SASH1: variants seen among roughly 807,000 people sequenced by gnomAD.
SASH1 encodes the protein SAM and SH3 domain-containing protein 1.
A neutral mutation model predicts 125.2 loss-of-function variants in SASH1; 44 were observed. The ratio of observed to expected loss-of-function variants is 0.35; its 90% CI spans 0.28 to 0.45. The LOEUF (loss-of-function observed/expected upper bound fraction) is 0.45, where lower values mean the gene tolerates loss of function less well. Among genes scored for constraint, SASH1 ranks in the 20% least tolerant of loss-of-function variants. The probability of loss-of-function intolerance (pLI) is 1.00; values close to 1 mark genes in which losing one functional copy is unlikely to be tolerated. For missense variants in SASH1, 1,426 were observed against 1,614.5 expected, an observed-to-expected ratio of 0.88 and a Z score of 2.00; for synonymous variants, 639 against 649.1, an observed-to-expected ratio of 0.98 and a Z score of 0.24.
intron 1 of SASH1, among the ~76,000 whole-genome samples, chr6:148,311,441 C>T (rs1221154606): frequency 2.0e-5 from 3 of 152,044 alleles, no homozygotes; most frequent in Admixed American, 6.6e-5. Context: ...AATATACATG[C>T]GAACTTTCCC....
chr6:148,259,004 C>T, the SASH1 span, among the ~76,000 whole-genome samples: 1 of 152,194 alleles, frequency 6.6e-6, no homozygotes, highest in Admixed American at 6.5e-5. Context: ...AATGTTTGCT[C>T]ATTTCATGGT....
chr6:148,416,003 A>G (rs930267729), intron 2 of SASH1, among the ~76,000 whole-genome samples: 1 of 152,120 alleles, frequency 6.6e-6, no homozygotes, highest in Non-Finnish European at 1.5e-5. Context: ...CCCACACTTC[A>G]AGCCTACATC....
intron 16 of SASH1, among the ~76,000 whole-genome samples, chr6:148,539,092 CTT>C (rs58542800): frequency 2.1e-3 from 297 of 142,914 alleles, no homozygotes; most frequent in African/African-American, 5.8e-3. Context: ...TCCGATGCTG[CTT>C]TTTTTTTTTT....
chr6:148,235,941 T>TG, the SASH1 span, among the ~76,000 whole-genome samples: 1 of 152,130 alleles, frequency 6.6e-6, no homozygotes, highest in Non-Finnish European at 1.5e-5. Context: ...TGTAGGCTAG[T>TG]TTTCTTCTTA....
At chr6:148,443,779 G>C (rs1237436683) in intron 4 of SASH1, among the ~76,000 whole-genome samples, 1 of 152,116 alleles carries the variant, frequency 6.6e-6, no homozygotes, top group African/African-American at 2.4e-5. Context: ...TAGGTTTGAT[G>C]CATTGTCGCT....
Position 148,524,121 on chromosome 6 carries a change from A to ATATATATATTTTTTT in SASH1, c.1210-1169_1210-1168insATATATATTTTTTTT, listed in dbSNP as rs1193506716. Among the ~76,000 whole-genome samples, 13 of 128,600 alleles carry ATATATATATTTTTTT rather than the reference A, an allele frequency of 1.0e-4. No individual in the cohort carries two copies. The South Asian group carries it at 1.1e-3, about 10-fold the overall frequency. 84.4% of individuals were successfully genotyped at this position (128,600 alleles called of 152,430 possible). ...ATTATATATATATATATATATATATATTTTTTTTAATGAATAAGCAATGCT... is the reference window on the plus strand; with the variant it reads ...ATTATATATATATATATATATATATATATATATATTTTTTTTTTTTTTTAATGAATAAGCAATGCT... On this transcript the variant is annotated intron_variant, in intron 10 of 19. Coordinates refer to ENST00000367467, the MANE Select transcript of SASH1 (RefSeq NM_015278.5).
chr6:148,258,339 A>T, the SASH1 span, among the ~76,000 whole-genome samples: 1 of 152,202 alleles, frequency 6.6e-6, no homozygotes, highest in Non-Finnish European at 1.5e-5. Flanking sequence ...TTCCATAATA[A>T]TAGCTTAACA....
At chr6:148,467,891 C>T (rs543346877) in intron 4 of SASH1, among the ~76,000 whole-genome samples, 19 of 152,258 alleles carry the variant, frequency 1.2e-4, no homozygotes, top group Admixed American at 9.8e-4. Flanking sequence ...GAGCCAAGAT[C>T]ATGCCACTGT....
chr6:148,349,200 C>T (rs1038017722), intron 1 of SASH1, among the ~76,000 whole-genome samples: 4 of 143,472 alleles, frequency 2.8e-5, no homozygotes, highest in African/African-American at 5.2e-5. Context: ...GGACTACTTG[C>T]GTCTGTGTTT....
chr6:148,215,988 G>C, the SASH1 span, among the ~76,000 whole-genome samples: 1 of 152,066 alleles, frequency 6.6e-6, no homozygotes. Context: ...CTCCCAAGTA[G>C]CTGGGATTAC....
At chr6:148,216,031 T>C in the SASH1 span, among the ~76,000 whole-genome samples, 3 of 152,040 alleles carry the variant, frequency 2.0e-5, no homozygotes, top group Non-Finnish European at 4.4e-5. Context: ...CTAATTTTTG[T>C]ATTTTTTAGT....
chr6:148,509,759 A>G (rs997621089), intron 8 of SASH1, among the ~76,000 whole-genome samples: 2 of 152,228 alleles, frequency 1.3e-5, no homozygotes, highest in Non-Finnish European at 2.9e-5. Context: ...GGATGCATTT[A>G]GTGAGCTCCG....
chr6:148,243,924 C>A, the SASH1 span, among the ~76,000 whole-genome samples: 1 of 152,080 alleles, frequency 6.6e-6, no homozygotes, highest in East Asian at 1.9e-4. Flanking sequence ...GTGGGAAGCG[C>A]CTGGCCCACC....
intron 8 of SASH1, among the ~76,000 whole-genome samples, chr6:148,500,212 A>C (rs1583261046): frequency 7.1e-6 from 1 of 140,448 alleles, no homozygotes; most frequent in African/African-American, 2.7e-5. Flanking sequence ...ATGCTATCTG[A>C]CAATAGATTT....
upstream of SASH1, among the ~76,000 whole-genome samples, chr6:148,269,485 C>T (rs1779012579): frequency 6.6e-6 from 1 of 152,160 alleles, no homozygotes; most frequent in Non-Finnish European, 1.5e-5. Context: ...TGCCCAGGCT[C>T]AAGCGATCCT....
chr6:148,213,174 A>C, the SASH1 span, among the ~76,000 whole-genome samples: 9 of 152,210 alleles, frequency 5.9e-5, no homozygotes. Flanking sequence ...AGCGTCCTTC[A>C]GATACATGAG....
At chr6:148,232,804 C>G in the SASH1 span, among the ~76,000 whole-genome samples, 1 of 152,164 alleles carries the variant, frequency 6.6e-6, no homozygotes, top group Non-Finnish European at 1.5e-5. Context: ...TCAGTGCCCA[C>G]GAGAAACTAG....
intron 4 of SASH1, among the ~76,000 whole-genome samples, chr6:148,459,022 A>C (rs1030770179): frequency 2.3e-5 from 3 of 132,520 alleles, no homozygotes; most frequent in Non-Finnish European, 4.9e-5. Context: ...ACACACACAC[A>C]CCCTCTAGCA....
chr6:148,229,064 G>A, the SASH1 span, among the ~76,000 whole-genome samples: 7 of 136,954 alleles, frequency 5.1e-5, no homozygotes, highest in Non-Finnish European at 9.0e-5. Flanking sequence ...AACCTGGGAG[G>A]CAGATGTTGC....
Sources: allele counts gnomAD v4.1 joint callset (sites outside exome capture counted in the v4.1 genomes callset), GRCh38; gene constraint gnomAD v4.1.1; transcripts MANE v1.5; gene names NCBI Gene and HGNC (gene_info 2026-07-23, HGNC 2026-07-21).